Variants in CSMD1 observed in about 807,000 individuals in gnomAD.
The protein encoded by CSMD1 is CUB and sushi domain-containing protein 1.
In CSMD1, 213 loss-of-function variants were observed where a neutral mutation model predicts 417.5. That is an observed-to-expected ratio of 0.51 (90% CI 0.46 to 0.57). The LOEUF (loss-of-function observed/expected upper bound fraction) is 0.57. Among genes scored for constraint, CSMD1 ranks in the 20% least tolerant of loss-of-function variants. The pLI, the probability that CSMD1 is intolerant of heterozygous loss-of-function variation, is 0.00. For missense variants in CSMD1, 6,923 were observed against 4,529.7 expected, an observed-to-expected ratio of 1.53 and a Z score of -15.17; for synonymous variants, 2,862 against 1,736.8, an observed-to-expected ratio of 1.65 and a Z score of -16.11.
At chr8:3,589,325 G>A (rs1308670445) in intron 8 of CSMD1, among the ~76,000 whole-genome samples, 3 of 152,030 alleles carry the variant, frequency 2.0e-5, no homozygotes, top group South Asian at 2.1e-4. Flanking sequence ...TAGCCAAGTC[G>A]TGGAATCAAT....
At chr8:3,223,986 C>T in intron 27 of CSMD1, 119 bp from the exon 28 acceptor site, 1 of 905,410 alleles carries the variant, frequency 1.1e-6, no homozygotes, top group Admixed American at 2.7e-5. Flanking sequence ...TTTTACCAGT[C>T]CAAGAGATTG....
At chr8:3,733,295 T>G (rs1289003228) in intron 6 of CSMD1, among the ~76,000 whole-genome samples, 1 of 148,202 alleles carries the variant, frequency 6.7e-6, no homozygotes, top group East Asian at 1.9e-4. Context: ...AATATACATA[T>G]GAATATATAT....
chr8:4,852,053 T>C (rs1226505454), intron 1 of CSMD1, among the ~76,000 whole-genome samples: 1 of 152,234 alleles, frequency 6.6e-6, no homozygotes, highest in African/African-American at 2.4e-5. Context: ...CAGGGCTTAA[T>C]GTGTATACTT....
intron 7 of CSMD1, among the ~76,000 whole-genome samples, chr8:3,703,603 G>C (rs576862602): frequency 6.6e-6 from 1 of 152,054 alleles, no homozygotes; most frequent in African/African-American, 2.4e-5. Flanking sequence ...TTGAACTAAA[G>C]GTACAATCAA....
intron 3 of CSMD1, among the ~76,000 whole-genome samples, chr8:4,355,411 A>C (rs78955187): frequency 0.18 from 26,828 of 152,050 alleles, 2,493 homozygotes; most frequent in Admixed American, 0.25. Flanking sequence ...TAACAGAAGT[A>C]GCGAATTCAG....
At chr8:3,082,799 T>C (rs1457577797) in intron 49 of CSMD1, among the ~76,000 whole-genome samples, 2 of 152,220 alleles carry the variant, frequency 1.3e-5, no homozygotes, top group African/African-American at 2.4e-5. Context: ...ATAGCCCTTG[T>C]ATCTACTTTT....
At chr8:4,896,133 C>T (rs1233400525) in intron 1 of CSMD1, among the ~76,000 whole-genome samples, 1 of 152,050 alleles carries the variant, frequency 6.6e-6, no homozygotes, top group Non-Finnish European at 1.5e-5. Flanking sequence ...CTTTTAGTAG[C>T]ATAAATATTT....
At chr8:3,092,134 G>C (rs1317590129) in intron 47 of CSMD1, among the ~76,000 whole-genome samples, 1 of 152,012 alleles carries the variant, frequency 6.6e-6, no homozygotes, top group Non-Finnish European at 1.5e-5. Context: ...TATTTATATA[G>C]TGAACATGTG....
At position 3,310,775 on chromosome 8, in the gene CSMD1, A is replaced by G. The variant is rs191636239; in HGVS notation, c.3632-2272T>C. ...CAAAGCTGTGAATGGCAGCGGGGCC[A>G]GGAAACTGTGGGGTTCTGCACACAG... On this transcript the variant is annotated intron_variant, in intron 23 of 69. Coordinates refer to ENST00000635120, the MANE Select transcript of CSMD1 (RefSeq NM_033225.6). Among the ~76,000 whole-genome samples, 183 of 151,366 alleles carry G rather than the reference A, an allele frequency of 1.2e-3. 1 individual carries two copies. The highest frequency in any genetic ancestry group is 4.2e-3 in the African/African-American group (174 of 41,428).
chr8:3,910,546 C>T (rs2554507), intron 5 of CSMD1, among the ~76,000 whole-genome samples: 17,484 of 152,140 alleles, frequency 0.11, 1,454 homozygotes, highest in African/African-American at 0.23. Flanking sequence ...ATGGTGCCTT[C>T]AGAATAACTT....
chr8:4,894,773 A>G (rs993288580), intron 1 of CSMD1, among the ~76,000 whole-genome samples: 1 of 151,528 alleles, frequency 6.6e-6, no homozygotes, highest in Non-Finnish European at 1.5e-5. Context: ...CATGTATAAA[A>G]TCTTCTGACT....
chr8:3,866,041 C>T (rs1323365065), intron 5 of CSMD1, among the ~76,000 whole-genome samples: 1 of 150,520 alleles, frequency 6.6e-6, no homozygotes, highest in East Asian at 2.0e-4. Flanking sequence ...CACAGTAACA[C>T]TTAAAAAGAA....
intron 3 of CSMD1, among the ~76,000 whole-genome samples, chr8:4,222,466 A>G (rs1209978215): frequency 6.6e-6 from 1 of 152,174 alleles, no homozygotes; most frequent in Non-Finnish European, 1.5e-5. Context: ...CTGGTCCGTC[A>G]TATGTTCTCA....
At chr8:3,924,809 A>C (rs907267665) in intron 5 of CSMD1, among the ~76,000 whole-genome samples, 3 of 152,134 alleles carry the variant, frequency 2.0e-5, no homozygotes, top group Non-Finnish European at 2.9e-5. Flanking sequence ...CCTGTAAGTC[A>C]CTGAAGTTAA....
chr8:4,811,842 A>T (rs565193296), intron 1 of CSMD1, among the ~76,000 whole-genome samples: 14 of 152,030 alleles, frequency 9.2e-5, no homozygotes, highest in African/African-American at 2.4e-4. Flanking sequence ...TTTTTCTTCT[A>T]TGAGACAGTG....
chr8:3,344,458 A>G (rs1189845774), intron 22 of CSMD1, among the ~76,000 whole-genome samples: 1 of 152,190 alleles, frequency 6.6e-6, no homozygotes, highest in Non-Finnish European at 1.5e-5. Flanking sequence ...CTTAAGATAA[A>G]ATAAAATAAA....
At chr8:3,195,347 T>G (rs898502) in intron 33 of CSMD1, among the ~76,000 whole-genome samples, 100,062 of 151,976 alleles carry the variant, frequency 0.66, 34,237 homozygotes, top group Non-Finnish European at 0.76. Flanking sequence ...GCTCTGCCTC[T>G]CTTGGCCTCT....
chr8:3,432,937 T>C (rs548844141), intron 12 of CSMD1, among the ~76,000 whole-genome samples: 9 of 152,304 alleles, frequency 5.9e-5, no homozygotes, highest in Admixed American at 5.9e-4. Context: ...TTGAAGAACA[T>C]ACCTTATCAA....
chr8:3,568,920 T>C (rs2116908714), intron 10 of CSMD1, among the ~76,000 whole-genome samples: 1 of 152,234 alleles, frequency 6.6e-6, no homozygotes, highest in Middle Eastern at 3.4e-3. Context: ...GGATAAACTT[T>C]TGAGAGAATT....
Sources: allele counts gnomAD v4.1 joint callset (sites outside exome capture counted in the v4.1 genomes callset), GRCh38; gene constraint gnomAD v4.1.1; transcripts MANE v1.5; gene names NCBI Gene and HGNC (gene_info 2026-07-23, HGNC 2026-07-21).